PIP4K2A: variants seen among roughly 807,000 people sequenced by gnomAD.
The protein encoded by PIP4K2A is phosphatidylinositol 5-phosphate 4-kinase type-2 alpha.
Under a neutral mutation model 42.9 loss-of-function variants are expected in PIP4K2A, and 14 were observed. The ratio of observed to expected loss-of-function variants is 0.33; its 90% confidence interval spans 0.22 to 0.51. The LOEUF (loss-of-function observed/expected upper bound fraction) is 0.51, where lower values mean the gene tolerates loss of function less well. Among genes scored for constraint, PIP4K2A ranks in the 20% least tolerant of loss-of-function variants. The pLI, the probability that PIP4K2A is intolerant of heterozygous loss-of-function variation, is 0.97. For synonymous variants in PIP4K2A, 192 were observed against 192.2 expected, an observed-to-expected ratio of 1.00 and a Z score of 0.01; for missense variants, 434 against 519.8, an observed-to-expected ratio of 0.83 and a Z score of 1.61.
At chr10:22,664,072 T>C (rs1280815433) in intron 1 of PIP4K2A, among the ~76,000 whole-genome samples, 56 of 85,630 alleles carry the variant, frequency 6.5e-4, no homozygotes, top group African/African-American at 3.8e-3. Flanking sequence ...CATATATATA[T>C]ATACGTATAT....
chr10:22,575,445 G>A (rs1230212450), intron 4 of PIP4K2A, among the ~76,000 whole-genome samples: 2 of 152,142 alleles, frequency 1.3e-5, no homozygotes, highest in African/African-American at 4.8e-5. Flanking sequence ...TTGCTGTGCA[G>A]AGCCACAGAA....
At chr10:22,583,943 CCCG>C (rs1837333926) in intron 4 of PIP4K2A, among the ~76,000 whole-genome samples, 1 of 152,236 alleles carries the variant, frequency 6.6e-6, no homozygotes, top group African/African-American at 2.4e-5. Context: ...TCCATAGTGC[CCCG>C]CCAGGTTAGC....
At chr10:22,668,964 T>C (rs1839399814) in intron 1 of PIP4K2A, among the ~76,000 whole-genome samples, 1 of 152,230 alleles carries the variant, frequency 6.6e-6, no homozygotes, top group Admixed American at 6.5e-5. Context: ...TACATTTCAT[T>C]TTTAATAAAA....
chr10:22,622,844 A>G (rs1450048548), intron 1 of PIP4K2A, among the ~76,000 whole-genome samples: 2 of 152,232 alleles, frequency 1.3e-5, no homozygotes. Context: ...TTAGTACTTC[A>G]CAAAGTACTA....
intron 6 of PIP4K2A, among the ~76,000 whole-genome samples, chr10:22,565,511 T>G (rs553591242): frequency 6.6e-6 from 1 of 152,352 alleles, no homozygotes; most frequent in East Asian, 1.9e-4. Context: ...TGCCTGTCTT[T>G]ACTTTAATCT....
At chr10:22,693,898 G>C (rs1839920594) in intron 1 of PIP4K2A, 1 of 152,138 alleles carries the variant, frequency 6.6e-6, no homozygotes, top group Non-Finnish European at 1.5e-5. Context: ...AAGAGAGCAT[G>C]ATAAAAGAGG....
chr10:22,656,456 T>TG (rs1564457232), intron 1 of PIP4K2A, among the ~76,000 whole-genome samples: 1 of 152,212 alleles, frequency 6.6e-6, no homozygotes, highest in Non-Finnish European at 1.5e-5. Context: ...GACACTGTCT[T>TG]GCTGGACTCA....
chr10:22,568,946 A>C (rs930433487), intron 5 of PIP4K2A: 1 of 1,263,694 alleles, frequency 7.9e-7, no homozygotes, highest in African/African-American at 1.5e-5. Context: ...TTGCTTCTTT[A>C]CCACCTGATG....
chr10:22,646,586 T>C (rs1031719383), intron 1 of PIP4K2A, among the ~76,000 whole-genome samples: 1 of 152,172 alleles, frequency 6.6e-6, no homozygotes, highest in Non-Finnish European at 1.5e-5. Context: ...AAGACCACCC[T>C]TACTTCTGCT....
intron 1 of PIP4K2A, chr10:22,691,651 T>C (rs1839871053): frequency 6.6e-6 from 1 of 152,190 alleles, no homozygotes. Flanking sequence ...GCTCTCCCAT[T>C]GCGTCATTTG....
intron 1 of PIP4K2A, among the ~76,000 whole-genome samples, chr10:22,612,955 C>T (rs1007591475): frequency 4.6e-5 from 7 of 151,876 alleles, no homozygotes; most frequent in Non-Finnish European, 7.4e-5. Flanking sequence ...GGAGAGGGGC[C>T]GGTGTGATGG....
At chr10:22,703,449 C>T (rs1336423879) in intron 1 of PIP4K2A, among the ~76,000 whole-genome samples, 1 of 151,864 alleles carries the variant, frequency 6.6e-6, no homozygotes, top group Non-Finnish European at 1.5e-5. Context: ...AAAACATTCC[C>T]GACGAAGAGA....
At chr10:22,678,114 T>G (rs148337503) in intron 1 of PIP4K2A, among the ~76,000 whole-genome samples, 473 of 152,234 alleles carry the variant, frequency 3.1e-3, no homozygotes, top group African/African-American at 0.011. Flanking sequence ...ATATAAAAAT[T>G]ATGTTCAATT....
chr10:22,612,459 G>A (rs1338876725), intron 1 of PIP4K2A, among the ~76,000 whole-genome samples: 1 of 152,214 alleles, frequency 6.6e-6, no homozygotes, highest in Admixed American at 6.5e-5. Flanking sequence ...TAGAGAGGAG[G>A]GGACACTGTT....
intron 1 of PIP4K2A, among the ~76,000 whole-genome samples, chr10:22,704,878 A>G (rs1833788854): frequency 6.6e-6 from 1 of 152,138 alleles, no homozygotes; most frequent in Non-Finnish European, 1.5e-5. Flanking sequence ...TGAGCACTTG[A>G]TATGAGAAAC....
At chr10:22,674,186 TC>T (rs1477152929) in intron 1 of PIP4K2A, among the ~76,000 whole-genome samples, 1 of 152,176 alleles carries the variant, frequency 6.6e-6, no homozygotes, top group African/African-American at 2.4e-5. Flanking sequence ...ATCTTGGACT[TC>T]CAGCAACCAG....
In PIP4K2A at chr10:22,627,591, T is replaced by TAAAAAAAAAAAAAAA. The variant is rs57671642; in HGVS notation, c.145-17889_145-17875dup. On this transcript the variant is annotated intron_variant, in intron 1 of 9. Coordinates refer to ENST00000376573, the MANE Select transcript of PIP4K2A (RefSeq NM_005028.5). ...TGTTTAACCAAAAGCTAATATGTAA[T>TAAAAAAAAAAAAAAA]AAAAAAAAAAAAAAAAAAAAAAAAA... 1.4e-3 allele frequency among the ~76,000 whole-genome samples: 77 copies of TAAAAAAAAAAAAAAA among 57,020 alleles called. 11 individuals are homozygous for TAAAAAAAAAAAAAAA. The highest frequency in any genetic ancestry group is 2.3e-3 in the Admixed American group (8 of 3,416). 37.4% of individuals were successfully genotyped at this position (57,020 alleles called of 152,430 possible). A position where few individuals can be genotyped will look rare whatever the true frequency, so the allele number is the denominator to read the frequency against.
chr10:22,678,199 C>G (rs1839595511), intron 1 of PIP4K2A, among the ~76,000 whole-genome samples: 1 of 151,932 alleles, frequency 6.6e-6, no homozygotes, highest in African/African-American at 2.4e-5. Flanking sequence ...TGCCAACCCC[C>G]CTTTCAACAA....
chr10:22,562,477 A>C (rs973903987), intron 6 of PIP4K2A, among the ~76,000 whole-genome samples: 9 of 152,178 alleles, frequency 5.9e-5, no homozygotes, highest in African/African-American at 1.4e-4. Flanking sequence ...TGAACCCAGG[A>C]GGCGGAGCTT....
Sources: gnomAD v4.1 joint callset for allele counts (sites outside exome capture counted in the v4.1 genomes callset) on GRCh38, gnomAD v4.1.1 for gene constraint, MANE v1.5 for transcripts, NCBI Gene and HGNC (gene_info 2026-07-23, HGNC 2026-07-21) for gene names.